Variants in CNTN5 observed in about 807,000 individuals in gnomAD.
CNTN5 encodes the protein contactin 5, also known as contactin-5.
A neutral mutation model predicts 129.1 loss-of-function variants in CNTN5; 77 were observed. The observed-to-expected ratio is 0.60, with a 90% CI of 0.50 to 0.72. CNTN5 has a LOEUF of 0.72. CNTN5 is among the 30% of genes least tolerant of loss of function. CNTN5 has a pLI of 0.00. For missense variants in CNTN5, 1,478 were observed against 1,328.8 expected, an observed-to-expected ratio of 1.11 and a Z score of -1.75; for synonymous variants, 509 against 465.6, an observed-to-expected ratio of 1.09 and a Z score of -1.20.
intron 2 of CNTN5, among the ~76,000 whole-genome samples, chr11:99,534,989 TAGAA>T (rs989970331): frequency 2.6e-5 from 4 of 152,078 alleles, no homozygotes; most frequent in Admixed American, 6.6e-5. Context: ...GAATGAATAA[TAGAA>T]AGAGCACTAT....
chr11:99,720,980 C>T (rs1366396589), intron 3 of CNTN5, among the ~76,000 whole-genome samples: 1 of 150,704 alleles, frequency 6.6e-6, no homozygotes, highest in South Asian at 2.1e-4. Context: ...AAAATAGACT[C>T]CTCAAAGAAG....
intron 16 of CNTN5, among the ~76,000 whole-genome samples, chr11:100,234,822 A>T (rs1157324746): frequency 6.7e-6 from 1 of 150,086 alleles, no homozygotes; most frequent in Non-Finnish European, 1.5e-5. Context: ...AAAAAAGAAG[A>T]AGAAGGACTT....
At chr11:99,596,930 A>G (rs1950145684) in intron 3 of CNTN5, among the ~76,000 whole-genome samples, 2 of 152,166 alleles carry the variant, frequency 1.3e-5, no homozygotes. Context: ...TGGTATTATT[A>G]TTATTAATCC....
chr11:100,074,340 A>G (rs1182965999), intron 13 of CNTN5, 46 bp downstream of exon 13: 1 of 1,476,078 alleles, frequency 6.8e-7, no homozygotes, highest in Non-Finnish European at 9.2e-7. Flanking sequence ...GACTTTTTTG[A>G]GGTTACAGGT....
intron 3 of CNTN5, among the ~76,000 whole-genome samples, chr11:99,817,012 T>A (rs1946609305): frequency 6.6e-6 from 1 of 152,232 alleles, no homozygotes; most frequent in African/African-American, 2.4e-5. Context: ...TTCTGATGAC[T>A]TAAAGCTGAA....
chr11:99,855,824 A>G (rs2135743153), intron 6 of CNTN5, among the ~76,000 whole-genome samples: 1 of 152,334 alleles, frequency 6.6e-6, no homozygotes, highest in Middle Eastern at 3.4e-3. Context: ...CCATTTTTAT[A>G]TCAGCCAGGA....
intron 8 of CNTN5, among the ~76,000 whole-genome samples, chr11:99,971,831 T>A (rs1951265228): frequency 6.6e-6 from 1 of 151,492 alleles, no homozygotes; most frequent in Non-Finnish European, 1.5e-5. Flanking sequence ...TTATAATATT[T>A]AATTTTAAAA....
At chr11:99,467,508 A>T (rs1231672909) in intron 2 of CNTN5, among the ~76,000 whole-genome samples, 1 of 152,114 alleles carries the variant, frequency 6.6e-6, no homozygotes, top group African/African-American at 2.4e-5. Flanking sequence ...TGATCCTTGT[A>T]TAAATCGTCT....
At chr11:100,284,511 ACACT>A (rs1330068250) in intron 18 of CNTN5, among the ~76,000 whole-genome samples, 1 of 152,212 alleles carries the variant, frequency 6.6e-6, no homozygotes, top group East Asian at 1.9e-4. Flanking sequence ...TAAAAAGATG[ACACT>A]CAGGACAAAA....
intron 13 of CNTN5, among the ~76,000 whole-genome samples, chr11:100,180,385 G>A (rs1340059248): frequency 6.6e-6 from 1 of 151,892 alleles, no homozygotes; most frequent in Admixed American, 6.6e-5. Flanking sequence ...TTGGAAAATG[G>A]TGCTAGAGTG....
intron 3 of CNTN5, among the ~76,000 whole-genome samples, chr11:99,646,743 AAT>A (rs1209129284): frequency 6.6e-6 from 1 of 151,840 alleles, no homozygotes; most frequent in Non-Finnish European, 1.5e-5. Context: ...TGTAAATGAC[AAT>A]ATGTGATAAA....
At chr11:99,822,881 A>T (rs943776617) in intron 4 of CNTN5, among the ~76,000 whole-genome samples, 1 of 152,226 alleles carries the variant, frequency 6.6e-6, no homozygotes, top group Admixed American at 6.5e-5. Flanking sequence ...TACAAAAGCC[A>T]CTGGCTTCCA....
intron 1 of CNTN5, among the ~76,000 whole-genome samples, chr11:99,175,227 C>A (rs778129411): frequency 1.3e-5 from 2 of 152,140 alleles, no homozygotes; most frequent in Non-Finnish European, 2.9e-5. Context: ...GAATGAGACT[C>A]TGTCCTCCCA....
chr11:99,831,978 C>G (rs188485913), intron 4 of CNTN5, among the ~76,000 whole-genome samples: 1 of 152,176 alleles, frequency 6.6e-6, no homozygotes, highest in East Asian at 1.9e-4. Flanking sequence ...CTTCCAATGG[C>G]CAACCACTGA....
chr11:99,269,180 C>T (rs1298104320), intron 1 of CNTN5, among the ~76,000 whole-genome samples: 1 of 151,892 alleles, frequency 6.6e-6, no homozygotes, highest in East Asian at 1.9e-4. Context: ...TCCATCTCTG[C>T]TAGAGACTCG....
chr11:99,168,290 G>A (rs1217745977), intron 1 of CNTN5, among the ~76,000 whole-genome samples: 1 of 152,030 alleles, frequency 6.6e-6, no homozygotes, highest in East Asian at 1.9e-4. Context: ...GAGGCTGGGT[G>A]TGATGGCTCA....
intron 2 of CNTN5, among the ~76,000 whole-genome samples, chr11:99,446,316 G>A (rs1944069714): frequency 6.6e-6 from 1 of 152,050 alleles, no homozygotes; most frequent in African/African-American, 2.4e-5. Context: ...TCTCAACTTT[G>A]GAGAATGTGC....
chr11:99,145,502 T>C (rs1051807374), intron 1 of CNTN5, among the ~76,000 whole-genome samples: 1 of 152,134 alleles, frequency 6.6e-6, no homozygotes, highest in Non-Finnish European at 1.5e-5. Flanking sequence ...TTGAAGACGA[T>C]TTTTCTTCTT....
At chr11:99,835,773 A>G (rs1223721429) in intron 4 of CNTN5, among the ~76,000 whole-genome samples, 3 of 152,198 alleles carry the variant, frequency 2.0e-5, no homozygotes, top group African/African-American at 4.8e-5. Flanking sequence ...AGCTAAATAC[A>G]TGGTTGACTG....
Sources: allele counts gnomAD v4.1 joint callset (sites outside exome capture counted in the v4.1 genomes callset), GRCh38; gene constraint gnomAD v4.1.1; transcripts MANE v1.5; gene names NCBI Gene and HGNC (gene_info 2026-07-23, HGNC 2026-07-21).